EPS15L1: variants seen among roughly 807,000 people sequenced by gnomAD.
The protein encoded by EPS15L1 is epidermal growth factor receptor substrate 15-like 1.
In EPS15L1, 43 loss-of-function variants were observed where a neutral mutation model predicts 117.1. The observed-to-expected ratio is 0.37, with a 90% CI of 0.29 to 0.47. The LOEUF is 0.47. EPS15L1 is among the 20% of genes least tolerant of loss of function. The probability of loss-of-function intolerance (pLI) is 0.99; values close to 1 mark genes in which losing one functional copy is unlikely to be tolerated. For missense variants in EPS15L1, 981 were observed against 1,164.0 expected (o/e 0.84, Z 2.29); for synonymous variants, 459 against 470.5 (o/e 0.98, Z 0.32).
At chr19:16,379,910 C>A (rs1363452736) in intron 21 of EPS15L1, among the ~76,000 whole-genome samples, 1 of 147,448 alleles carries the variant, frequency 6.8e-6, no homozygotes, top group Non-Finnish European at 1.5e-5. Context: ...GGCTCCAGCA[C>A]CTAGTCACAC....
chr19:16,410,924 A>ATT (rs1366529955), intron 13 of EPS15L1, among the ~76,000 whole-genome samples: 34 of 152,156 alleles, frequency 2.2e-4, no homozygotes, highest in African/African-American at 7.7e-4. Context: ...TAAAACAAAA[A>ATT]ATGTGCTCCA....
intron 1 of EPS15L1, among the ~76,000 whole-genome samples, chr19:16,445,089 G>GA (rs1397770743): frequency 2.0e-5 from 3 of 151,822 alleles, no homozygotes; most frequent in East Asian, 1.9e-4. Flanking sequence ...GATTCCAGTG[G>GA]AAAAAAAAGA....
intron 6 of EPS15L1, 76 bp downstream of exon 6, chr19:16,436,861 G>A (rs557773485): frequency 2.5e-5 from 31 of 1,225,372 alleles, no homozygotes; most frequent in Non-Finnish European, 3.2e-5. Context: ...AACAATTCCA[G>A]AACAATTCTA....
At chr19:16,406,802 G>A (rs945062567) in intron 13 of EPS15L1, among the ~76,000 whole-genome samples, 2 of 152,254 alleles carry the variant, frequency 1.3e-5, no homozygotes, top group Non-Finnish European at 2.9e-5. Flanking sequence ...GAGGACAAGA[G>A]GGAACTCACT....
chr19:16,406,323 T>C (rs911997675), intron 13 of EPS15L1, among the ~76,000 whole-genome samples: 8 of 152,092 alleles, frequency 5.3e-5, no homozygotes, highest in Admixed American at 6.5e-5. Context: ...CTTATGGACA[T>C]GTTCGACAGG....
chr19:16,442,002 G>A (rs1208973145), intron 2 of EPS15L1, 21 bp from the exon 3 acceptor site: 1 of 1,599,876 alleles, frequency 6.3e-7, no homozygotes, highest in African/African-American at 1.3e-5. Flanking sequence ...AGACCAAGAG[G>A]CAAAATAACT....
intron 7 of EPS15L1, among the ~76,000 whole-genome samples, chr19:16,430,207 C>T (rs937404758): frequency 5.3e-5 from 8 of 152,348 alleles, no homozygotes; most frequent in African/African-American, 1.4e-4. Flanking sequence ...CCCTGCTCCC[C>T]GTGCTCGAGT....
At chr19:16,409,937 CAAAAAAAAAAAAA>C (rs140859526) in intron 13 of EPS15L1, among the ~76,000 whole-genome samples, 4 of 45,048 alleles carry the variant, frequency 8.9e-5, no homozygotes, top group East Asian at 1.3e-3. Context: ...GACTCTGTCT[CAAAAAAAAAAAAA>C]AAAAAAAAAA....
At chr19:16,391,100 G>T (rs534441681) in intron 19 of EPS15L1, among the ~76,000 whole-genome samples, 1 of 152,122 alleles carries the variant, frequency 6.6e-6, no homozygotes, top group Non-Finnish European at 1.5e-5. Flanking sequence ...TTGAACCATC[G>T]TAAGTCAGGG....
intron 23 of EPS15L1, 79 bp from the exon 24 acceptor site, chr19:16,355,930 G>A: frequency 6.7e-7 from 1 of 1,492,316 alleles, no homozygotes; most frequent in Non-Finnish European, 9.0e-7. Context: ...GGGAATGCGT[G>A]GGAGGGGTCA....
At chr19:16,437,212 T>C (rs2092987141) in intron 5 of EPS15L1, 3 of 579,892 alleles carry the variant, frequency 5.2e-6, no homozygotes, top group Non-Finnish European at 9.2e-6. Flanking sequence ...TCCTTGTACA[T>C]GAATGCTGGT....
chr19:16,417,715 C>T (rs1310632918), intron 11 of EPS15L1, 78 bp from the exon 12 acceptor site: 3 of 1,320,986 alleles, frequency 2.3e-6, no homozygotes, highest in South Asian at 1.2e-5. Flanking sequence ...AGTTCTCGGG[C>T]CCAGGGATAA....
intron 22 of EPS15L1, among the ~76,000 whole-genome samples, chr19:16,367,633 G>A (rs919561993): frequency 6.6e-6 from 1 of 151,602 alleles, no homozygotes; most frequent in Admixed American, 6.6e-5. Flanking sequence ...GGGCTGTGAT[G>A]GGGCTGGCTC....
At chr19:16,442,886 G>C (rs2145083775) in intron 1 of EPS15L1, among the ~76,000 whole-genome samples, 1 of 152,274 alleles carries the variant, frequency 6.6e-6, no homozygotes. Flanking sequence ...CCCATCTAGG[G>C]TCACGCAGCT....
intron 21 of EPS15L1, among the ~76,000 whole-genome samples, chr19:16,379,656 A>T (rs569041506): frequency 6.6e-6 from 1 of 152,288 alleles, no homozygotes; most frequent in East Asian, 1.9e-4. Context: ...TTCAGTGTCT[A>T]GTCACACAGA....
chr19:16,400,471 T>G (rs2092589428), intron 16 of EPS15L1, among the ~76,000 whole-genome samples: 1 of 152,050 alleles, frequency 6.6e-6, no homozygotes. Flanking sequence ...GATGTACCAC[T>G]GTGGATACAC....
At chr19:16,384,950 C>G (rs1054162116) in intron 21 of EPS15L1, among the ~76,000 whole-genome samples, 179 bp downstream of exon 21, 1 of 152,174 alleles carries the variant, frequency 6.6e-6, no homozygotes, top group East Asian at 1.9e-4. Context: ...CAGGGCTCAC[C>G]CCACGGGACT....
At chr19:16,460,702 G>A (rs1271075509) in intron 1 of EPS15L1, among the ~76,000 whole-genome samples, 1 of 152,174 alleles carries the variant, frequency 6.6e-6, no homozygotes, top group Non-Finnish European at 1.5e-5. Flanking sequence ...GGTGCCGCGG[G>A]CACAGAGCGT....
At chr19:16,443,085 G>A (rs1045637922) in intron 1 of EPS15L1, among the ~76,000 whole-genome samples, 1 of 152,198 alleles carries the variant, frequency 6.6e-6, no homozygotes, top group East Asian at 1.9e-4. Flanking sequence ...ACGTGCGTTG[G>A]TGTTTTAGTA....
Sources: gnomAD v4.1 joint callset for allele counts (sites outside exome capture counted in the v4.1 genomes callset) on GRCh38, gnomAD v4.1.1 for gene constraint, MANE v1.5 for transcripts, NCBI Gene and HGNC (gene_info 2026-07-23, HGNC 2026-07-21) for gene names.